The following MTOR variants were observed in gnomAD, a reference collection of about 807,000 sequenced individuals.
MTOR encodes the protein mechanistic target of rapamycin kinase, also known as serine/threonine-protein kinase mTOR.
A neutral mutation model predicts 319.8 loss-of-function variants in MTOR; 70 were observed. That is an observed-to-expected ratio of 0.22 (90% CI 0.18 to 0.27). MTOR has a LOEUF of 0.27. Among genes scored for constraint, MTOR ranks in the 10% least tolerant of loss-of-function variants. The pLI is 1.00. For missense variants in MTOR, 1,890 were observed against 3,274.4 expected (o/e 0.58, Z 10.32); for synonymous variants, 1,183 against 1,211.4 (o/e 0.98, Z 0.49).
At chr1:11,217,814 G>A (rs958448959) in intron 19 of MTOR, among the ~76,000 whole-genome samples, 5 of 151,692 alleles carry the variant, frequency 3.3e-5, no homozygotes, top group Non-Finnish European at 2.9e-5. Flanking sequence ...CCACATGCAA[G>A]TCGGGTAAGT....
intron 49 of MTOR, among the ~76,000 whole-genome samples, chr1:11,119,032 C>T (rs1244219967): frequency 6.6e-6 from 1 of 152,116 alleles, no homozygotes; most frequent in Non-Finnish European, 1.5e-5. Context: ...ACCATAGTGT[C>T]TGACTTGGGT....
intron 28 of MTOR, among the ~76,000 whole-genome samples, chr1:11,174,275 G>A (rs955161692): frequency 6.6e-6 from 1 of 152,194 alleles, no homozygotes; most frequent in Non-Finnish European, 1.5e-5. Context: ...GCTGTAAAAT[G>A]AACGAGTGTG....
At chr1:11,200,742 G>A (rs1466216841) in intron 26 of MTOR, among the ~76,000 whole-genome samples, 3 of 152,170 alleles carry the variant, frequency 2.0e-5, no homozygotes, top group South Asian at 4.1e-4. Flanking sequence ...AAGGCCAGGC[G>A]TGGTGGCTCA....
intron 13 of MTOR, among the ~76,000 whole-genome samples, chr1:11,235,914 G>A (rs2100889122): frequency 1.3e-5 from 2 of 151,854 alleles, no homozygotes; most frequent in Admixed American, 1.3e-4. Context: ...CCTGGGAGGT[G>A]GAGGTTGCAG....
intron 54 of MTOR, 35 bp downstream of exon 54, chr1:11,112,817 G>C (rs1641961112): frequency 6.2e-7 from 1 of 1,611,470 alleles, no homozygotes; most frequent in East Asian, 2.2e-5. Context: ...TGCACAAGGG[G>C]GAGAGCCTTT....
At chr1:11,209,911 A>G (rs185242185) in intron 24 of MTOR, among the ~76,000 whole-genome samples, 9 of 152,306 alleles carry the variant, frequency 5.9e-5, no homozygotes, top group Non-Finnish European at 1.3e-4. Context: ...TCTGTCTCTC[A>G]GGCTGGAGTG....
At chr1:11,238,685 C>A in intron 11 of MTOR, 68 bp from the exon 12 acceptor site, 2 of 1,397,928 alleles carry the variant, frequency 1.4e-6, no homozygotes, top group Non-Finnish European at 1.9e-6. Context: ...CTGCAGCTTG[C>A]TAGCTGAATT....
chr1:11,135,074 C>G (rs1363949741), intron 36 of MTOR, among the ~76,000 whole-genome samples: 1 of 152,150 alleles, frequency 6.6e-6, no homozygotes, highest in Middle Eastern at 3.2e-3. Flanking sequence ...GCAGCTAGAT[C>G]TATTTATACT....
At position 11,127,904 on chromosome 1, in the gene MTOR, G is replaced by T. The variant is rs2100410905; in HGVS notation, c.6034-98C>A. ...GGAGGTACTATTTCCAGCAGTCAGA[G>T]GAAGTGCACAGCACCAATGCGAGGA... On this transcript the variant is annotated intron_variant, in intron 43 of 57. Coordinates refer to ENST00000361445, the MANE Select transcript of MTOR (RefSeq NM_004958.4). This position sits in a 1 kb window ranked among gnomAD's most constrained non-coding sequence, Gnocchi z 5.5. The T allele has an allele frequency of 6.3e-7, 1 of 1,581,406 alleles. No individual in the cohort carries two copies.
At chr1:11,241,075 C>T (rs1221796369) in intron 10 of MTOR, among the ~76,000 whole-genome samples, 1 of 151,596 alleles carries the variant, frequency 6.6e-6, no homozygotes, top group Admixed American at 6.6e-5. Flanking sequence ...GTAATCTCAG[C>T]ACTTTGGGAG....
rs1642127793 is a variant in MTOR at position 11,115,675 on chromosome 1, C to G, written c.7017-207G>C. 1.9e-6 allele frequency: 1 copy of G among 533,710 alleles called. No homozygotes were observed. The highest frequency in any genetic ancestry group is 3.4e-6 in the Non-Finnish European group (1 of 293,510). 33.1% of individuals were successfully genotyped at this position (533,710 alleles called of 1,614,324 possible). On this transcript the variant is annotated intron_variant, in intron 50 of 57. Coordinates refer to ENST00000361445, the MANE Select transcript of MTOR (RefSeq NM_004958.4). The surrounding 1 kb of genome is among the most constrained non-coding windows in gnomAD (Gnocchi z 4.5). ...AGTACTGTTCCAGGCTGCTTCCATG[C>G]TACGACAGCAGAGCTGACTAGTTGT... is the stretch of plus-strand genomic sequence containing the variant.
In MTOR at chr1:11,121,233, C is replaced by A. The variant is rs770104349; in HGVS notation, c.6933+13G>T. 2 of 1,612,458 alleles carry A rather than the reference C, an allele frequency of 1.2e-6. No individual in the cohort carries two copies. Among genetic ancestry groups the A allele is most frequent in the Non-Finnish European group, 8.5e-7 (1 of 1,179,948 alleles). On this transcript the variant is annotated intron_variant, in intron 49 of 57. Transcript: ENST00000361445. This position sits in a 1 kb window ranked among gnomAD's most constrained non-coding sequence, Gnocchi z 4.9. ...TCCAGGAGAGCGCAGGTCTGCAGGG[C>A]CCAGTGGCCTACCTCGGAGCTGGGG...
rs377099936 is a variant in MTOR, at chr1:11,125,789, C to T, written c.6526+833G>A. ...GGGCGCAGTGGTTCACACCTGTAATCCCAGCACTTTGGAAGGCTGAGACAG... is the reference window on the plus strand; with the variant it reads ...GGGCGCAGTGGTTCACACCTGTAATTCCAGCACTTTGGAAGGCTGAGACAG... On this transcript the variant is annotated intron_variant, in intron 46 of 57. Transcript: ENST00000361445. 3.3e-4 allele frequency among the ~76,000 whole-genome samples: 50 copies of T among 150,476 alleles called. No homozygotes were observed. The South Asian group carries it at 8.4e-3, about 25-fold the overall frequency.
intron 38 of MTOR, 30 bp from the exon 39 acceptor site, chr1:11,130,807 C>G (rs936570846): frequency 6.5e-7 from 1 of 1,547,562 alleles, no homozygotes; most frequent in Admixed American, 2.0e-5. Context: ...AGGACAGACA[C>G]TGGAGCTGTG....
intron 6 of MTOR, 37 bp downstream of exon 6, chr1:11,253,802 C>A: frequency 6.2e-7 from 1 of 1,612,388 alleles, no homozygotes. Flanking sequence ...GAATGGTACA[C>A]GGGGAGCCTG....
rs555861440 is a variant in MTOR at position 11,150,313 on chromosome 1, A to G, written c.4470-87T>C. ...CTCCTGCCCCTTGGGTTAGGTGAGG[A>G]CTACACAGGAACTGGACACCTTTAA... On this transcript the variant is annotated intron_variant, in intron 30 of 57. Coordinates refer to ENST00000361445, the MANE Select transcript of MTOR (RefSeq NM_004958.4). 20 of 1,110,188 alleles carry G rather than the reference A, an allele frequency of 1.8e-5. No homozygotes were observed. The South Asian group carries it at 2.6e-4, about 14-fold the overall frequency. The allele number at this position is 1,110,188 out of a possible 1,614,324, so 68.8% of individuals were successfully genotyped here. A position where few individuals can be genotyped will look rare whatever the true frequency, so the allele number is the denominator to read the frequency against.
Position 11,128,435 on chromosome 1 carries a change from G to T in MTOR, c.5910+19C>A. On this transcript the variant is annotated intron_variant, in intron 42 of 57. Coordinates refer to ENST00000361445, the MANE Select transcript of MTOR (RefSeq NM_004958.4). This position sits in a 1 kb window ranked among gnomAD's most constrained non-coding sequence, Gnocchi z 5.3. Reference sequence around the variant, plus strand: ...CAAACCAGTGGTTAGATGAGAAACTGCCCAGAGTCTCCACATACCTGGGGG... The same window carrying T: ...CAAACCAGTGGTTAGATGAGAAACTTCCCAGAGTCTCCACATACCTGGGGG... 6.2e-7 allele frequency: 1 copy of T among 1,609,290 alleles called. No homozygotes were observed. Among genetic ancestry groups the T allele is most frequent in the Non-Finnish European group, 8.5e-7 (1 of 1,175,790 alleles).
intron 19 of MTOR, among the ~76,000 whole-genome samples, chr1:11,223,187 G>C (rs1646724272): frequency 1.3e-5 from 2 of 148,720 alleles, no homozygotes; most frequent in Admixed American, 1.3e-4. Flanking sequence ...TTTTTTTTAA[G>C]TAGAGGGAAA....
chr1:11,139,256 G>C, intron 36 of MTOR, 48 bp downstream of exon 36: 1 of 1,554,950 alleles, frequency 6.4e-7, no homozygotes, highest in Non-Finnish European at 8.6e-7. Flanking sequence ...CAGATTAGGC[G>C]AGCATTCTGG....
Sources: allele counts gnomAD v4.1 joint callset (sites outside exome capture counted in the v4.1 genomes callset), GRCh38; gene constraint gnomAD v4.1.1; non-coding constraint Gnocchi (gnomAD v3.1); transcripts MANE v1.5; gene names NCBI Gene and HGNC (gene_info 2026-07-23, HGNC 2026-07-21).